The following TPRKB variants were observed in gnomAD, a reference collection of about 807,000 sequenced individuals.
TPRKB encodes TP53RK binding protein.
TPRKB carries 11 observed loss-of-function variants against 17.8 expected under a neutral mutation model. The observed-to-expected ratio is 0.62, with a 90% confidence interval of 0.39 to 1.02. TPRKB has a LOEUF of 1.02. TPRKB is among the 50% of genes least tolerant of loss of function. TPRKB has a pLI of 0.00. For synonymous variants in TPRKB, 71 were observed against 69.5 expected (o/e 1.02, Z -0.11); for missense variants, 228 against 198.0 (o/e 1.15, Z -0.91).
chr2:73,734,120 G>C (rs1367259685), intron 2 of TPRKB, among the ~76,000 whole-genome samples: 8 of 144,596 alleles, frequency 5.5e-5, no homozygotes, highest in African/African-American at 2.1e-4. Context: ...TTTTTTTCCA[G>C]ACAGAGTTTT....
intron 1 of TPRKB, among the ~76,000 whole-genome samples, chr2:73,735,968 G>T (rs376992146): frequency 6.6e-6 from 1 of 152,142 alleles, no homozygotes; most frequent in Non-Finnish European, 1.5e-5. Flanking sequence ...ATGTGGTCTT[G>T]ACGGTGTGTA....
In TPRKB at chr2:73,734,520, A is replaced by C; in HGVS notation, c.50T>G (p.Leu17Arg). ...LDLFPECRVT[L>R]LLFKDVKNAG... ...ATTTTTTACATCTTTAAATAACAGA[A>C]GGGTTACCCTGCATTCGGGAAATAG... is the stretch of plus-strand genomic sequence containing the variant. Residue 17 changes from leucine to arginine, a missense_variant, in exon 2 of 5, where the codon CTT (leucine) becomes CGT (arginine). Coordinates refer to ENST00000272424, the MANE Select transcript of TPRKB (RefSeq NM_016058.5). 1 of 1,614,010 alleles carries C rather than the reference A, an allele frequency of 6.2e-7. No individual in the cohort carries two copies.
intron 1 of TPRKB, among the ~76,000 whole-genome samples, chr2:73,735,383 T>C (rs1305931759): frequency 6.6e-6 from 1 of 151,472 alleles, no homozygotes; most frequent in Non-Finnish European, 1.5e-5. Context: ...ATATACCTAA[T>C]GTAAACGATG....
At chr2:73,730,103 G>C in intron 4 of TPRKB, 74 bp from the exon 5 acceptor site, 8 of 1,408,216 alleles carry the variant, frequency 5.7e-6, no homozygotes, top group Non-Finnish European at 6.6e-6. Flanking sequence ...ACAAACATGT[G>C]TAAGTGAAAT....
intron 1 of TPRKB, among the ~76,000 whole-genome samples, chr2:73,736,528 C>G (rs1671889541): frequency 6.6e-6 from 1 of 152,214 alleles, no homozygotes; most frequent in South Asian, 2.1e-4. Flanking sequence ...GCGTAATTTA[C>G]TCACTCAGGT....
chr2:73,736,992 T>G (rs1367591108), intron 1 of TPRKB, among the ~76,000 whole-genome samples: 1 of 152,014 alleles, frequency 6.6e-6, no homozygotes, highest in East Asian at 1.9e-4. Flanking sequence ...TCCCTTCAAC[T>G]CCATTTGGAG....
chr2:73,737,119 T>C (rs1363700925), intron 1 of TPRKB, among the ~76,000 whole-genome samples, 183 bp downstream of exon 1: 2 of 152,196 alleles, frequency 1.3e-5, no homozygotes, highest in Admixed American at 1.3e-4. Flanking sequence ...GCTGCATGTC[T>C]CCTCACTAAA....
chr2:73,737,153 ACT>A (rs1469087981), intron 1 of TPRKB, 147 bp downstream of exon 1: 1 of 152,160 alleles, frequency 6.6e-6, no homozygotes, highest in Admixed American at 6.5e-5. Flanking sequence ...GGACAGCCTG[ACT>A]CTATCATTCT....
chr2:73,729,904 T>C lies in TPRKB; in HGVS notation c.*39A>G. On this transcript the variant is annotated 3_prime_UTR_variant, in exon 5 of 5. Transcript: ENST00000272424. Reference sequence around the variant, plus strand: ...AGTCAGGAAAGGAAAATCAATGTTTTCTTTAATGCTGAGAATTTTTGTTAA... The same window carrying C: ...AGTCAGGAAAGGAAAATCAATGTTTCCTTTAATGCTGAGAATTTTTGTTAA... The C allele has an allele frequency of 6.8e-7, 1 of 1,479,334 alleles. No homozygotes were observed. The highest frequency in any genetic ancestry group is 9.1e-7 in the Non-Finnish European group (1 of 1,100,874). 91.6% of individuals were successfully genotyped at this position (1,479,334 alleles called of 1,614,324 possible).
intron 1 of TPRKB, among the ~76,000 whole-genome samples, chr2:73,736,164 A>G (rs898913182): frequency 6.6e-5 from 10 of 152,202 alleles, no homozygotes; most frequent in Admixed American, 2.0e-4. Flanking sequence ...AGAAAAAAAT[A>G]TATTTGTGAA....
chr2:73,736,276 C>A (rs1352738151), intron 1 of TPRKB, among the ~76,000 whole-genome samples: 1 of 152,042 alleles, frequency 6.6e-6, no homozygotes, highest in African/African-American at 2.4e-5. Flanking sequence ...AAAAGATACA[C>A]ATATTTTTTT....
chr2:73,733,173 A>G (rs533524851), intron 2 of TPRKB, among the ~76,000 whole-genome samples: 1 of 150,192 alleles, frequency 6.7e-6, no homozygotes, highest in Admixed American at 6.7e-5. Context: ...AAGGTTGGTT[A>G]TGTCTTGTTC....
rs746849557 is a variant in TPRKB, at chr2:73,734,456, G to A, written c.114C>T (p.Ile38=). ...DLRRKAMEGT[I]DGSLINPTVI... ...CTGTAGGATTTATCAGTGATCCATC[G>A]ATGGTGCCTTCCATGGCCTTTCTTC... The change falls in exon 2 of 5, where the codon ATC becomes ATT. Residue 38 remains isoleucine, a synonymous_variant. Transcript: ENST00000272424. 19 of 1,613,608 alleles carry A rather than the reference G, an allele frequency of 1.2e-5. No homozygotes were observed. Among genetic ancestry groups the A allele is most frequent in the South Asian group, 5.5e-5 (5 of 90,994 alleles).
intron 4 of TPRKB, 45 bp downstream of exon 4, chr2:73,730,515 A>G (rs751764860): frequency 5.8e-6 from 8 of 1,382,112 alleles, no homozygotes; most frequent in Non-Finnish European, 2.0e-6. Context: ...CATCAGCATT[A>G]TTGCTCATCT....
At position 73,730,578 on chromosome 2, in the gene TPRKB, AT is replaced by A. The variant is rs773938758; in HGVS notation, c.422del (p.Asn141IlefsTer?). ...GGCAAACCTTTTTGACTTCTGTAAT[AT>A]TCATTATTTCAGGAAGATTTTTCAG... Reference protein sequence around the residue: ...VSLKNLPEIMNITEVKKIYKL... With the variant: ...VSLKNLPEIMXITEVKKIYKL... On this transcript the variant is annotated frameshift_variant, in exon 4 of 5. Transcript: ENST00000272424. LOFTEE classifies it high-confidence loss of function. 1 of 1,589,472 alleles carries A rather than the reference AT, an allele frequency of 6.3e-7. No homozygotes were observed. Among genetic ancestry groups the A allele is most frequent in the Non-Finnish European group, 8.5e-7 (1 of 1,172,536 alleles).
intron 1 of TPRKB, among the ~76,000 whole-genome samples, chr2:73,736,982 T>TCCC (rs1671914591): frequency 6.6e-6 from 1 of 151,964 alleles, no homozygotes; most frequent in Non-Finnish European, 1.5e-5. Flanking sequence ...CACTCCTCCC[T>TCCC]CCCTTCAACT....
At chr2:73,733,798 G>T in intron 2 of TPRKB, among the ~76,000 whole-genome samples, 1 of 147,932 alleles carries the variant, frequency 6.8e-6, no homozygotes, top group African/African-American at 2.5e-5. Flanking sequence ...TAAATGCCCT[G>T]TATGGCTCAT....
chr2:73,732,321 G>C, intron 2 of TPRKB, 36 bp from the exon 3 acceptor site: 1 of 1,600,686 alleles, frequency 6.2e-7, no homozygotes, highest in Non-Finnish European at 8.5e-7. Context: ...ATTACACATG[G>C]AGAATCTGCA....
At chr2:73,733,384 G>A (rs918397960) in intron 2 of TPRKB, among the ~76,000 whole-genome samples, 3 of 150,740 alleles carry the variant, frequency 2.0e-5, no homozygotes, top group African/African-American at 7.3e-5. Flanking sequence ...TCAGCCTCCC[G>A]AGTAGCTGGG....
Sources: allele counts gnomAD v4.1 joint callset (sites outside exome capture counted in the v4.1 genomes callset), GRCh38; gene constraint gnomAD v4.1.1; transcripts MANE v1.5; gene names NCBI Gene and HGNC (gene_info 2026-07-23, HGNC 2026-07-21).